NSD3: variants seen among roughly 807,000 people sequenced by gnomAD.
NSD3 encodes the protein histone-lysine N-methyltransferase NSD3.
NSD3 carries 24 observed loss-of-function variants against 160.8 expected under a neutral mutation model. That is an observed-to-expected ratio of 0.15 (90% CI 0.11 to 0.21). The LOEUF (loss-of-function observed/expected upper bound fraction) is 0.21. Among genes scored for constraint, NSD3 ranks in the 10% least tolerant of loss-of-function variants. The probability of loss-of-function intolerance (pLI) is 1.00; values close to 1 mark genes in which losing one functional copy is unlikely to be tolerated. For missense variants in NSD3, 1,157 were observed against 1,735.9 expected (o/e 0.67, Z 5.93); for synonymous variants, 520 against 600.0 (o/e 0.87, Z 1.95).
intron 16 of NSD3, among the ~76,000 whole-genome samples, chr8:38,293,135 C>CAAAAAAAAAAAAAAAAA (rs1005050554): frequency 1.5e-5 from 1 of 68,516 alleles, no homozygotes; most frequent in Non-Finnish European, 2.8e-5. Flanking sequence ...GACTTTGTCT[C>CAAAAAAAAAAAAAAAAA]AAAAAAAAAA....
At chr8:38,289,292 A>C (rs987786597) in intron 18 of NSD3, 101 bp downstream of exon 18, 2 of 1,086,662 alleles carry the variant, frequency 1.8e-6, no homozygotes, top group Non-Finnish European at 2.7e-6. Context: ...CTAAAGAGTA[A>C]TGCATTTCGT....
intron 2 of NSD3, among the ~76,000 whole-genome samples, chr8:38,342,857 A>G (rs1810411723): frequency 6.6e-6 from 1 of 151,664 alleles, no homozygotes; most frequent in African/African-American, 2.4e-5. Flanking sequence ...CACGGCCTTC[A>G]GCCTATTACT....
At chr8:38,295,664 TTTTC>T in intron 16 of NSD3, 128 bp downstream of exon 16, 1 of 871,944 alleles carries the variant, frequency 1.1e-6, no homozygotes, top group Non-Finnish European at 1.7e-6. Flanking sequence ...AACATGGTTC[TTTTC>T]TTTTTTTTTT....
chr8:38,338,651 T>TAAAC (rs754304140), intron 2 of NSD3, 44 bp from the exon 3 acceptor site: 2 of 1,473,582 alleles, frequency 1.4e-6, no homozygotes, highest in Non-Finnish European at 1.9e-6. Flanking sequence ...TGGCATTAAA[T>TAAAC]AAACAAACAA....
intron 2 of NSD3, among the ~76,000 whole-genome samples, chr8:38,342,086 T>TA (rs561140354): frequency 1.3e-3 from 199 of 152,320 alleles, no homozygotes; most frequent in Non-Finnish European, 2.7e-3. Flanking sequence ...TTCAAAGAAT[T>TA]AAAGTTTTTT....
intron 2 of NSD3, among the ~76,000 whole-genome samples, chr8:38,342,622 C>T (rs1810402500): frequency 6.6e-6 from 1 of 151,506 alleles, no homozygotes; most frequent in South Asian, 2.1e-4. Flanking sequence ...GGCTGGAGTA[C>T]AGTGGCATGA....
Position 38,290,528 on chromosome 8 carries a change from C to T in NSD3, c.3065G>A (p.Gly1022Glu), listed in dbSNP as rs1808977925. Residue 1022 changes from glycine (G) to glutamate (E), a missense_variant, in exon 17 of 24, where the codon GGA becomes GAA. Coordinates refer to ENST00000317025, the MANE Select transcript of NSD3 (RefSeq NM_023034.2). ...HQGRVFPYVEGDKSFAEGQTS... is the reference protein window; with the variant it reads ...HQGRVFPYVEEDKSFAEGQTS... ...CTGCCCTTCAGCAAAGCTTTTGTCT[C>T]CTTCAACATAAGGGAACACTCTGCC... is the stretch of plus-strand genomic sequence containing the variant. 5.0e-6 allele frequency: 8 copies of T among 1,613,976 alleles called. No individual in the cohort carries two copies. Among genetic ancestry groups the T allele is most frequent in the Admixed American group, 1.7e-5 (1 of 59,998 alleles).
At chr8:38,373,982 G>A (rs1811324703) in intron 1 of NSD3, among the ~76,000 whole-genome samples, 1 of 151,282 alleles carries the variant, frequency 6.6e-6, no homozygotes, top group Non-Finnish European at 1.5e-5. Context: ...GGGTGTGGTG[G>A]CACACGCCTG....
chr8:38,350,554 T>C (rs1810666729), intron 1 of NSD3, among the ~76,000 whole-genome samples: 1 of 152,202 alleles, frequency 6.6e-6, no homozygotes, highest in South Asian at 2.1e-4. Context: ...GTAAATATGT[T>C]TGACTTTTTT....
chr8:38,315,673 T>C, intron 10 of NSD3, 129 bp from the exon 11 acceptor site: 1 of 1,360,742 alleles, frequency 7.3e-7, no homozygotes, highest in Non-Finnish European at 9.9e-7. Flanking sequence ...TTCCTTCCTT[T>C]CTTTCCAAAA....
chr8:38,326,969 G>A (rs754032300), intron 6 of NSD3, 113 bp from the exon 7 acceptor site: 28 of 1,114,648 alleles, frequency 2.5e-5, no homozygotes, highest in Non-Finnish European at 3.3e-5. Flanking sequence ...ATTTTATATG[G>A]TCTTTGATTG....
Position 38,319,190 on chromosome 8 carries a change from C to A in NSD3, c.1810-250G>T. ...GCTCTCTAGCAAAGACTTTTCCCAC[C>A]ATTCCCTTGGTATATGAAGAGAACA... On this transcript the variant is annotated intron_variant, in intron 8 of 23. Coordinates refer to ENST00000317025, the MANE Select transcript of NSD3 (RefSeq NM_023034.2). This position sits in a 1 kb window ranked among gnomAD's most constrained non-coding sequence, Gnocchi z 4.1. 1 of 420,714 alleles carries A rather than the reference C, an allele frequency of 2.4e-6. No homozygotes were observed. The highest frequency in any genetic ancestry group is 4.2e-6 in the Non-Finnish European group (1 of 236,520). 26.1% of individuals were successfully genotyped at this position (420,714 alleles called of 1,614,324 possible). A position where few individuals can be genotyped will look rare whatever the true frequency, so the allele number is the denominator to read the frequency against.
intron 1 of NSD3, among the ~76,000 whole-genome samples, chr8:38,365,081 G>A (rs1036433041): frequency 7.2e-5 from 11 of 152,138 alleles, no homozygotes; most frequent in African/African-American, 2.2e-4. Flanking sequence ...AGCTCCATGA[G>A]GCAGATAGAA....
intron 17 of NSD3, among the ~76,000 whole-genome samples, chr8:38,289,837 C>T (rs566594017): frequency 3.3e-5 from 5 of 152,322 alleles, no homozygotes; most frequent in African/African-American, 1.2e-4. Flanking sequence ...AACTTGCTGG[C>T]AACTCATTGC....
At chr8:38,363,785 G>C (rs1340667083) in intron 1 of NSD3, 1 of 151,928 alleles carries the variant, frequency 6.6e-6, no homozygotes, top group Non-Finnish European at 1.5e-5. Flanking sequence ...AAATGTAAAA[G>C]AATAAATCTG....
intron 1 of NSD3, among the ~76,000 whole-genome samples, chr8:38,354,615 A>G (rs1010170454): frequency 4.6e-5 from 7 of 152,234 alleles, no homozygotes; most frequent in South Asian, 2.1e-4. Context: ...AAAGGTATAT[A>G]TACCTAGAGT....
intron 11 of NSD3, among the ~76,000 whole-genome samples, chr8:38,315,055 T>A (rs530408424): frequency 5.9e-5 from 9 of 152,248 alleles, no homozygotes; most frequent in Non-Finnish European, 1.2e-4. Context: ...TAGGATTCCT[T>A]CTTTGGGATC....
chr8:38,283,798 A>G (rs538729917), intron 19 of NSD3, among the ~76,000 whole-genome samples: 1 of 152,212 alleles, frequency 6.6e-6, no homozygotes, highest in East Asian at 1.9e-4. Flanking sequence ...ATAAGCTATG[A>G]TATGGAATTC....
chr8:38,316,412 C>A lies in NSD3; in HGVS notation c.1856-370G>T, dbSNP rs773322140. 1.1e-4 allele frequency: 119 copies of A among 1,066,054 alleles called. No homozygotes were observed. The highest frequency in any genetic ancestry group is 1.2e-4 in the Non-Finnish European group (108 of 878,980). 66.0% of individuals were successfully genotyped at this position (1,066,054 alleles called of 1,614,324 possible). A position where few individuals can be genotyped will look rare whatever the true frequency, so the allele number is the denominator to read the frequency against. ...GGGGGAAGACATAAAACCCAACACA[C>A]TGTGTAGCTTACAAATATGGTTGCA... On this transcript the variant is annotated intron_variant, in intron 9 of 23. Transcript: ENST00000317025. This position sits in a 1 kb window ranked among gnomAD's most constrained non-coding sequence, Gnocchi z 4.5.
Sources: gnomAD v4.1 joint callset for allele counts (sites outside exome capture counted in the v4.1 genomes callset) on GRCh38, gnomAD v4.1.1 for gene constraint, Gnocchi (gnomAD v3.1) non-coding constraint, MANE v1.5 for transcripts, NCBI Gene and HGNC (gene_info 2026-07-23, HGNC 2026-07-21) for gene names.